LAMA2: variants seen among roughly 807,000 people sequenced by gnomAD.
LAMA2 encodes the protein laminin subunit alpha-2.
A neutral mutation model predicts 364.8 loss-of-function variants in LAMA2; 269 were observed. That is an observed-to-expected ratio of 0.74 (90% confidence interval 0.67 to 0.82). The LOEUF (loss-of-function observed/expected upper bound fraction) is 0.82, where lower values mean the gene tolerates loss of function less well. LAMA2 is among the 40% of genes least tolerant of loss of function. The pLI is 0.00. For missense variants in LAMA2, 3,807 were observed against 3,873.2 expected (o/e 0.98, Z 0.45); for synonymous variants, 1,379 against 1,370.6 (o/e 1.01, Z -0.14).
intron 3 of LAMA2, among the ~76,000 whole-genome samples, chr6:129,094,186 A>G (rs1272692310): frequency 6.6e-6 from 1 of 152,252 alleles, no homozygotes; most frequent in Admixed American, 6.5e-5. Flanking sequence ...GCTATTTATT[A>G]CATTTTTAAT....
At chr6:129,222,741 A>C (rs1336840713) in intron 12 of LAMA2, among the ~76,000 whole-genome samples, 1 of 151,960 alleles carries the variant, frequency 6.6e-6, no homozygotes, top group African/African-American at 2.4e-5. Flanking sequence ...CCAGTCTATC[A>C]TTGATGGACA....
chr6:128,961,341 A>ATATATT lies in LAMA2; in HGVS notation c.112+77989_112+77990insTTATAT, dbSNP rs1781493591. On this transcript the variant is annotated intron_variant, in intron 1 of 64. Coordinates refer to ENST00000421865, the MANE Select transcript of LAMA2 (RefSeq NM_000426.4). ...ATGATATATATATATATATATATAT[A>ATATATT]TATATATATATATATATATATATAT... 7.8e-5 allele frequency among the ~76,000 whole-genome samples: 4 copies of ATATATT among 51,158 alleles called. 1 individual carries two copies. The highest frequency in any genetic ancestry group is 3.9e-4 in the Admixed American group (2 of 5,142). The allele number at this position is 51,158 out of a possible 152,430, so 33.6% of individuals were successfully genotyped here.
rs1015846 is a variant in LAMA2 at position 129,291,479 on chromosome 6, C to T, written c.2750-135C>T. ...TTAAATGATAGAATGCCTAACAGGG[C>T]ACTTAACAAATCAGAAAACATTCTG... On this transcript the variant is annotated intron_variant, in intron 19 of 64. Transcript: ENST00000421865. 0.71 allele frequency: 499,704 copies of T among 707,016 alleles called. 181,403 individuals are homozygous for T. The highest frequency in any genetic ancestry group is 0.77 in the Non-Finnish European group (298,620 of 389,192). The allele number at this position is 707,016 out of a possible 1,614,324, so 43.8% of individuals were successfully genotyped here. A position where few individuals can be genotyped will look rare whatever the true frequency, so the allele number is the denominator to read the frequency against.
chr6:129,201,291 G>A (rs1309693008), intron 12 of LAMA2, among the ~76,000 whole-genome samples: 2 of 152,170 alleles, frequency 1.3e-5, no homozygotes, highest in African/African-American at 4.8e-5. Flanking sequence ...GTTCATGGAG[G>A]CCAAGGCAGC....
chr6:129,496,316 A>C (rs989004172), intron 58 of LAMA2, among the ~76,000 whole-genome samples: 14 of 151,974 alleles, frequency 9.2e-5, no homozygotes, highest in Admixed American at 3.3e-4. Flanking sequence ...ACGGGCATGC[A>C]CCACCACTCT....
intron 9 of LAMA2, among the ~76,000 whole-genome samples, chr6:129,176,648 A>C (rs774793430): frequency 6.6e-6 from 1 of 152,116 alleles, no homozygotes; most frequent in Non-Finnish European, 1.5e-5. Context: ...TTATATTTTT[A>C]TCAATGTAAA....
intron 62 of LAMA2, among the ~76,000 whole-genome samples, chr6:129,509,500 G>C (rs758767816): frequency 6.6e-6 from 1 of 152,120 alleles, no homozygotes; most frequent in South Asian, 2.1e-4. Context: ...TTAGATTCAA[G>C]TCTCTAATCC....
chr6:129,217,779 A>C (rs1032459834), intron 12 of LAMA2, among the ~76,000 whole-genome samples: 2 of 152,180 alleles, frequency 1.3e-5, no homozygotes, highest in Non-Finnish European at 2.9e-5. Flanking sequence ...CCAGGATATA[A>C]TCTACTGTGG....
intron 40 of LAMA2, among the ~76,000 whole-genome samples, chr6:129,411,690 AGAAGCACT>A (rs1270021260): frequency 1.3e-5 from 2 of 152,192 alleles, no homozygotes; most frequent in African/African-American, 2.4e-5. Flanking sequence ...CACGCTGATA[AGAAGCACT>A]GAACTACTAC....
At chr6:129,332,927 C>T (rs1202785901) in intron 29 of LAMA2, among the ~76,000 whole-genome samples, 1 of 117,318 alleles carries the variant, frequency 8.5e-6, no homozygotes, top group African/African-American at 3.4e-5. Context: ...GAGTCTTGCT[C>T]TGTCACCCAG....
chr6:128,910,862 A>G (rs369402894), intron 1 of LAMA2, among the ~76,000 whole-genome samples: 1 of 150,752 alleles, frequency 6.6e-6, no homozygotes, highest in Non-Finnish European at 1.5e-5. Flanking sequence ...AACAGACAGG[A>G]CCCTCAACTG....
chr6:129,507,542 T>G lies in LAMA2; in HGVS notation c.8757T>G (p.Pro2919=), dbSNP rs1175834479. 1 of 1,614,096 alleles carries G rather than the reference T, an allele frequency of 6.2e-7. No homozygotes were observed. The highest frequency in any genetic ancestry group is 8.5e-7 in the Non-Finnish European group (1 of 1,180,018). The part of the protein sequence containing the change: ...CVRNLHMAEA[P]ADLEQPTSSF... ...GGAATCTCCACATGGCAGAGGCCCC[T>G]GCCGATCTGGAACAACCCACCTCCA... is the stretch of plus-strand genomic sequence containing the variant. Residue 2919 remains proline (P), a synonymous_variant, in exon 62 of 65, where the codon CCT becomes CCG. Coordinates refer to ENST00000421865, the MANE Select transcript of LAMA2 (RefSeq NM_000426.4).
chr6:128,932,186 C>G (rs771078574), intron 1 of LAMA2, among the ~76,000 whole-genome samples: 2 of 152,172 alleles, frequency 1.3e-5, no homozygotes, highest in Non-Finnish European at 2.9e-5. Context: ...GGCTATGTCT[C>G]CTCTGTTGTG....
At chr6:129,482,608 A>G (rs1276581132) in intron 55 of LAMA2, among the ~76,000 whole-genome samples, 1 of 152,206 alleles carries the variant, frequency 6.6e-6, no homozygotes, top group Non-Finnish European at 1.5e-5. Flanking sequence ...CAATTTTAGT[A>G]TGTAACATTT....
chr6:129,192,225 A>G (rs1781559137), intron 11 of LAMA2, among the ~76,000 whole-genome samples: 1 of 152,252 alleles, frequency 6.6e-6, no homozygotes, highest in Admixed American at 6.5e-5. Context: ...TTCCCTCTGC[A>G]TTACAAATAC....
At chr6:129,011,552 C>G (rs1431293317) in intron 1 of LAMA2, among the ~76,000 whole-genome samples, 1 of 152,132 alleles carries the variant, frequency 6.6e-6, no homozygotes, top group East Asian at 1.9e-4. Context: ...GAGATTTACT[C>G]TTACTCTGTG....
At chr6:129,228,847 C>G (rs1031248164) in intron 12 of LAMA2, among the ~76,000 whole-genome samples, 1 of 152,088 alleles carries the variant, frequency 6.6e-6, no homozygotes, top group Non-Finnish European at 1.5e-5. Flanking sequence ...CTCAGCTAAT[C>G]CATTATATGG....
chr6:129,193,202 G>T (rs1286603961), intron 12 of LAMA2, among the ~76,000 whole-genome samples: 1 of 152,130 alleles, frequency 6.6e-6, no homozygotes, highest in Non-Finnish European at 1.5e-5. Flanking sequence ...AGTTGTCTGT[G>T]GTGGGATACT....
chr6:129,117,605 G>A (rs9482986), intron 4 of LAMA2, among the ~76,000 whole-genome samples: 39,013 of 152,080 alleles, frequency 0.26, 5,799 homozygotes, highest in African/African-American at 0.42. Context: ...GAGGCGGCCC[G>A]TTGCCACACA....
Sources: allele counts gnomAD v4.1 joint callset (sites outside exome capture counted in the v4.1 genomes callset), GRCh38; gene constraint gnomAD v4.1.1; transcripts MANE v1.5; gene names NCBI Gene and HGNC (gene_info 2026-07-23, HGNC 2026-07-21).